LTK: variants seen among roughly 807,000 people sequenced by gnomAD.
LTK encodes leukocyte tyrosine kinase receptor.
LTK carries 117 observed loss-of-function variants against 101.5 expected under a neutral mutation model. The ratio of observed to expected loss-of-function variants is 1.15; its 90% CI spans 0.99 to 1.34. The LOEUF (loss-of-function observed/expected upper bound fraction) is 1.34, where lower values mean the gene tolerates loss of function less well. LTK is among the 40% of genes most tolerant of loss of function. The pLI, the probability that LTK is intolerant of heterozygous loss-of-function variation, is 0.00. For missense variants in LTK, 1,252 were observed against 1,164.7 expected (o/e 1.07, Z -1.09); for synonymous variants, 563 against 494.2 (o/e 1.14, Z -1.85).
intron 8 of LTK, among the ~76,000 whole-genome samples, chr15:41,508,771 A>G (rs952330948): frequency 3.3e-5 from 5 of 152,146 alleles, no homozygotes; most frequent in African/African-American, 1.2e-4. Context: ...AAAAGCACGC[A>G]GCATGCCCTG....
rs777581746 is a variant in LTK at position 41,512,977 on chromosome 15, C to T, written c.187G>A (p.Gly63Ser). The change falls in exon 2 of 20, where the codon GGC becomes AGC. Residue 63 changes from glycine to serine, a missense_variant and splice_region_variant. Physicochemically the swap from Gly to Ser is moderately conservative, Grantham distance 56. Transcript: ENST00000263800. ...GAGGAAGGAGGCGTCTAAAGCTCAC[C>T]CGGAGAATTCAGCGGGGAGGCTGGC... ...LEPASPLNSP[G>S]TEGSWLFSTC... is the part of the protein sequence containing the mutation. The T allele has an allele frequency of 6.2e-7, 1 of 1,613,568 alleles. No homozygotes were observed. The highest frequency in any genetic ancestry group is 8.5e-7 in the Non-Finnish European group (1 of 1,179,912).
rs769949765 is a variant in LTK at position 41,504,851 on chromosome 15, T to C, written c.2042A>G (p.Asp681Gly). The C allele has an allele frequency of 2.5e-5, 41 of 1,612,696 alleles. No individual in the cohort carries two copies. Among genetic ancestry groups the C allele is most frequent in the Non-Finnish European group, 3.3e-5 (39 of 1,179,728 alleles). Residue 681 changes from aspartate to glycine, a missense_variant, in exon 17 of 20, where the codon GAC becomes GGC. Physicochemically the swap from Asp to Gly is moderately conservative, Grantham distance 94. Coordinates refer to ENST00000263800, the MANE Select transcript of LTK (RefSeq NM_002344.6). ...IYRASYYRRG[D>G]RALLPVKWMP... ...CCACTTGACTGGGAGCAAGGCCCGG[T>C]CCCCCCTGCGGTAATAACTGGCCCT...
Position 41,512,112 on chromosome 15 carries a change from C to T in LTK, c.510+3G>A, listed in dbSNP as rs369983661. The T allele has an allele frequency of 2.5e-5, 40 of 1,596,460 alleles. No homozygotes were observed. Among genetic ancestry groups the T allele is most frequent in the Non-Finnish European group, 3.2e-5 (38 of 1,171,486 alleles). ...CCGCCCCATCCCCACTGGCTGCGCT[C>T]ACTCCGGGACAGGCGTCCTCTCCCT... On this transcript the variant is annotated splice_donor_region_variant and intron_variant, in intron 4 of 19. Transcript: ENST00000263800.
At chr15:41,512,310 C>G in intron 3 of LTK, 45 bp from the exon 4 acceptor site, 1 of 1,580,842 alleles carries the variant, frequency 6.3e-7, no homozygotes, top group Non-Finnish European at 8.6e-7. Flanking sequence ...GTGCTCAGGC[C>G]GGCCGCTCCG....
At chr15:41,505,662 C>A in intron 13 of LTK, 51 bp downstream of exon 13, 1 of 1,610,096 alleles carries the variant, frequency 6.2e-7, no homozygotes, top group South Asian at 1.1e-5. Flanking sequence ...AGAAACTGTT[C>A]CCGGGCATTC....
At chr15:41,505,337 T>C in intron 14 of LTK, 32 bp from the exon 15 acceptor site, 1 of 1,613,246 alleles carries the variant, frequency 6.2e-7, no homozygotes, top group South Asian at 1.1e-5. Context: ...TCAGTCCATG[T>C]AGGTCTCAGA....
chr15:41,504,079 G>A lies in LTK; in HGVS notation c.2512C>T (p.Pro838Ser), dbSNP rs56367146. ...LKSWGGSPLG[P>S]WLSSGLKPLK... ...GGCTTGAGGCCAGAGGACAGCCAGG[G>A]GCCAAGAGGGCTACCTCCCCAGCTT... Residue 838 changes from proline to serine, a missense_variant, in exon 20 of 20, where the codon CCC becomes TCC. Transcript: ENST00000263800. 1.2e-6 allele frequency: 2 copies of A among 1,614,008 alleles called. No homozygotes were observed. The highest frequency in any genetic ancestry group is 1.7e-6 in the Non-Finnish European group (2 of 1,180,028).
chr15:41,506,552 G>A (rs988220174), intron 11 of LTK, among the ~76,000 whole-genome samples: 6 of 151,862 alleles, frequency 4.0e-5, no homozygotes, highest in African/African-American at 1.5e-4. Context: ...TGATCCACCT[G>A]CCTTGGCCTC....
chr15:41,511,739 C>T lies in LTK; in HGVS notation c.657+78G>A, dbSNP rs1412569290. 2 of 1,442,846 alleles carry T rather than the reference C, an allele frequency of 1.4e-6. No individual in the cohort carries two copies. Among genetic ancestry groups the T allele is most frequent in the African/African-American group, 1.5e-5 (1 of 65,986 alleles). The allele number at this position is 1,442,846 out of a possible 1,614,324, so 89.4% of individuals were successfully genotyped here. On this transcript the variant is annotated intron_variant, in intron 5 of 19. Coordinates refer to ENST00000263800, the MANE Select transcript of LTK (RefSeq NM_002344.6). This position sits in a 1 kb window ranked among gnomAD's most constrained non-coding sequence, Gnocchi z 5.9. ...GCAGGGATAGGGGGACCCCAAGGGACGGACGGAGAGCCGGTGCGTGAGCGC... is the reference window on the plus strand; with the variant it reads ...GCAGGGATAGGGGGACCCCAAGGGATGGACGGAGAGCCGGTGCGTGAGCGC...
chr15:41,504,863 T>G lies in LTK; in HGVS notation c.2030A>C (p.Tyr677Ser), dbSNP rs575625623. ...MARDIYRASY[Y>S]RRGDRALLPV... ...GAGCAAGGCCCGGTCCCCCCTGCGG[T>G]AATAACTGGCCCTACAGGAGGGAGG... is the stretch of plus-strand genomic sequence containing the variant. The change falls in exon 17 of 20, where the codon TAC becomes TCC. Residue 677 changes from tyrosine to serine, a missense_variant. Coordinates refer to ENST00000263800, the MANE Select transcript of LTK (RefSeq NM_002344.6). 6.2e-7 allele frequency: 1 copy of G among 1,612,678 alleles called. No homozygotes were observed. Among genetic ancestry groups the G allele is most frequent in the Non-Finnish European group, 8.5e-7 (1 of 1,179,554 alleles).
chr15:41,504,740 CAG>C, intron 17 of LTK, 31 bp downstream of exon 17: 1 of 1,482,518 alleles, frequency 6.7e-7, no homozygotes, highest in Non-Finnish European at 9.3e-7. Context: ...GGGAGGGGAA[CAG>C]TGGGGAAGGG....
chr15:41,507,099 G>A lies in LTK; in HGVS notation c.1537C>T (p.Leu513Phe), dbSNP rs998526556. The A allele has an allele frequency of 2.5e-6, 4 of 1,612,962 alleles. No individual in the cohort carries two copies. Among genetic ancestry groups the A allele is most frequent in the East Asian group, 2.2e-5 (1 of 44,872 alleles). Residue 513 changes from leucine (L) to phenylalanine (F), a missense_variant, in exon 11 of 20, where the codon CTC becomes TTC. Coordinates refer to ENST00000263800, the MANE Select transcript of LTK (RefSeq NM_002344.6). ...TEVSPANVTL[L>F]RALGHGAFGE... Reference sequence around the variant, plus strand: ...AGAAGGAGGCAGAAGACTTACCTGAGCAGAGTAACATTGGCTGGGGAAACC... The same window carrying A: ...AGAAGGAGGCAGAAGACTTACCTGAACAGAGTAACATTGGCTGGGGAAACC...
rs779587144 is a variant in LTK at position 41,506,021 on chromosome 15, T to A, written c.1542-16A>T. 2 of 1,592,956 alleles carry A rather than the reference T, an allele frequency of 1.3e-6. No individual in the cohort carries two copies. The highest frequency in any genetic ancestry group is 1.7e-6 in the Non-Finnish European group (2 of 1,161,116). ...GCCCAGGGCTCTGCAGGAAGACACG[T>A]TGGAAGGGAGTGGGCAGGCGGCCTG... On this transcript the variant is annotated splice_polypyrimidine_tract_variant and intron_variant, in intron 11 of 19. Transcript: ENST00000263800.
At chr15:41,507,457 G>A in intron 10 of LTK, 105 bp downstream of exon 10, 1 of 1,553,766 alleles carries the variant, frequency 6.4e-7, no homozygotes, top group South Asian at 1.2e-5. Context: ...CGGCTCTGCT[G>A]CGGTGAGTGG....
In LTK at chr15:41,505,263, C is replaced by A. The variant is rs2051229845; in HGVS notation, c.1870G>T (p.Ala624Ser). Reference protein sequence around the residue: ...PLVMRDLLQLAQDIAQGCHYL... With the variant: ...PLVMRDLLQLSQDIAQGCHYL... ...TGGCAGCCCTGGGCTATGTCCTGGG[C>A]CAGTTGCAGCAGGTCCCGCATGACC... is the stretch of plus-strand genomic sequence containing the variant. The change falls in exon 15 of 20, where the codon GCC (alanine) becomes TCC (serine). Residue 624 changes from alanine to serine, a missense_variant. Ala to Ser is a moderately conservative substitution (Grantham distance 99). Coordinates refer to ENST00000263800, the MANE Select transcript of LTK (RefSeq NM_002344.6). The A allele has an allele frequency of 3.1e-6, 5 of 1,613,996 alleles. No individual in the cohort carries two copies. In the East Asian group the frequency reaches 6.7e-5, roughly 22 times the overall value.
intron 8 of LTK, 57 bp from the exon 9 acceptor site, chr15:41,508,278 C>T (rs920857387): frequency 1.0e-5 from 15 of 1,497,912 alleles, no homozygotes; most frequent in Non-Finnish European, 1.3e-5. Flanking sequence ...ATAGTAAATA[C>T]ATGCCTTTGG....
intron 15 of LTK, 54 bp downstream of exon 15, chr15:41,505,154 T>C (rs2051223731): frequency 1.9e-6 from 3 of 1,590,540 alleles, no homozygotes; most frequent in Non-Finnish European, 2.6e-6. Flanking sequence ...GGAAGGGCTG[T>C]TCCTTGGGGA....
chr15:41,505,566 G>A (rs1157841362), intron 13 of LTK, 36 bp from the exon 14 acceptor site: 9 of 1,612,626 alleles, frequency 5.6e-6, no homozygotes, highest in Admixed American at 3.3e-5. Flanking sequence ...GTTACCAGGA[G>A]GGAGACGGAA....
intron 14 of LTK, 31 bp downstream of exon 14, chr15:41,505,370 G>A (rs1410836356): frequency 1.9e-6 from 3 of 1,590,930 alleles, no homozygotes; most frequent in Non-Finnish European, 2.6e-6. Flanking sequence ...GTCTTTAGAG[G>A]GGCCTGGGGG....
Sources: gnomAD v4.1 joint callset for allele counts (sites outside exome capture counted in the v4.1 genomes callset) on GRCh38, gnomAD v4.1.1 for gene constraint, Gnocchi (gnomAD v3.1) non-coding constraint, MANE v1.5 for transcripts, NCBI Gene and HGNC (gene_info 2026-07-23, HGNC 2026-07-21) for gene names.